RNF111: variants seen among roughly 807,000 people sequenced by gnomAD.
The protein encoded by RNF111 is E3 ubiquitin-protein ligase Arkadia.
A neutral mutation model predicts 95.1 loss-of-function variants in RNF111; 17 were observed. The observed-to-expected ratio is 0.18, with a 90% confidence interval of 0.12 to 0.27. The LOEUF (loss-of-function observed/expected upper bound fraction) is 0.27, where lower values mean the gene tolerates loss of function less well. RNF111 is among the 10% of genes least tolerant of loss of function. The pLI, the probability that RNF111 is intolerant of heterozygous loss-of-function variation, is 1.00. For synonymous variants in RNF111, 440 were observed against 414.8 expected (o/e 1.06, Z -0.74); for missense variants, 1,189 against 1,210.4 (o/e 0.98, Z 0.26).
Position 59,021,496 on chromosome 15 carries a change from G to A in RNF111, c.-19-9308G>A, listed in dbSNP as rs538835555. Among the ~76,000 whole-genome samples, 6 of 152,268 alleles carry A rather than the reference G, an allele frequency of 3.9e-5. No homozygotes were observed. In the South Asian group the frequency reaches 1.2e-3, roughly 32 times the overall value. ...AGATTACATTTATTTTTAGGTGTAA[G>A]AGAAAGTCTTAAATGTTAAGTCTTA... is the stretch of plus-strand genomic sequence containing the variant. On this transcript the variant is annotated intron_variant, in intron 1 of 13. Transcript: ENST00000348370.
chr15:59,050,942 A>G (rs1405316147), intron 2 of RNF111, among the ~76,000 whole-genome samples: 4 of 152,208 alleles, frequency 2.6e-5, no homozygotes, highest in African/African-American at 4.8e-5. Context: ...AGATTTTTCA[A>G]TAAATGTTTT....
chr15:59,066,697 A>C (rs1235759591), intron 5 of RNF111, 67 bp from the exon 6 acceptor site: 8 of 1,205,050 alleles, frequency 6.6e-6, no homozygotes, highest in Non-Finnish European at 9.6e-6. Flanking sequence ...TTTATACCCC[A>C]TACCTATTTT....
chr15:59,049,362 AT>A (rs567223230), intron 2 of RNF111: 3,734 of 70,898 alleles, frequency 0.053, 39 homozygotes, highest in African/African-American at 0.092. Context: ...GGTGTCTTTG[AT>A]TTTTTTTTTT....
At chr15:58,999,304 A>G (rs2039223291) in intron 1 of RNF111, among the ~76,000 whole-genome samples, 1 of 152,188 alleles carries the variant, frequency 6.6e-6, no homozygotes, top group Non-Finnish European at 1.5e-5. Flanking sequence ...TATTTTAATA[A>G]AAGTTACTTA....
At chr15:59,090,583 A>G (rs980480233) in intron 11 of RNF111, among the ~76,000 whole-genome samples, 6 of 152,136 alleles carry the variant, frequency 3.9e-5, no homozygotes, top group South Asian at 2.1e-4. Context: ...GTGACTTAGA[A>G]CTATTGTTTG....
chr15:59,089,572 T>A (rs957927537), intron 10 of RNF111, 95 bp from the exon 11 acceptor site: 1 of 935,716 alleles, frequency 1.1e-6, no homozygotes, highest in Non-Finnish European at 1.7e-6. Flanking sequence ...AGCAGTTGAA[T>A]TGAAAACATT....
intron 8 of RNF111, among the ~76,000 whole-genome samples, chr15:59,082,920 ATTG>A (rs1426646942): frequency 2.6e-5 from 4 of 152,348 alleles, no homozygotes; most frequent in Admixed American, 2.0e-4. Context: ...TAACTGGCAA[ATTG>A]TTGTTTAGAA....
In RNF111 at chr15:59,094,828, A is replaced by G. The variant is rs143841791; in HGVS notation, c.2889A>G (p.Gln963=). ...MHLFHQVCVD[Q]WLITNKKCPI... Reference sequence around the variant, plus strand: ...TTTTCCACCAAGTGTGTGTTGACCAATGGTTGATTACCAATAAGAAGTGCC... The same window carrying G: ...TTTTCCACCAAGTGTGTGTTGACCAGTGGTTGATTACCAATAAGAAGTGCC... The change falls in exon 14 of 14, where the codon CAA becomes CAG. Residue 963 remains glutamine (Q), a synonymous_variant. Transcript: ENST00000348370. The G allele has an allele frequency of 2.4e-5, 38 of 1,613,306 alleles. No homozygotes were observed. The highest frequency in any genetic ancestry group is 9.3e-5 in the African/African-American group (7 of 74,888).
intron 1 of RNF111, among the ~76,000 whole-genome samples, chr15:59,014,207 G>T (rs1362421972): frequency 6.6e-6 from 1 of 152,130 alleles, no homozygotes; most frequent in Non-Finnish European, 1.5e-5. Context: ...TGTTTGACAT[G>T]CCCCTATTCT....
intron 10 of RNF111, among the ~76,000 whole-genome samples, chr15:59,086,948 AG>A (rs2078917079): frequency 6.6e-6 from 1 of 152,262 alleles, no homozygotes; most frequent in Non-Finnish European, 1.5e-5. Context: ...AGGACATTAT[AG>A]TAGAAGAGGT....
At position 59,052,159 on chromosome 15, in the gene RNF111, G is replaced by C. The variant is rs552975043; in HGVS notation, c.881-146G>C. ...TTACTGTGTGTGTTTTTTGTTCCTT[G>C]TGTATTTTTTTAAAAAACCTTTTTG... On this transcript the variant is annotated intron_variant, in intron 2 of 13. Coordinates refer to ENST00000348370, the MANE Select transcript of RNF111 (RefSeq NM_017610.8). 205 of 630,228 alleles carry C rather than the reference G, an allele frequency of 3.3e-4. 1 individual carries two copies. The African/African-American group carries it at 3.6e-3, about 11-fold the overall frequency. 39.0% of individuals were successfully genotyped at this position (630,228 alleles called of 1,614,324 possible).
Position 59,067,087 on chromosome 15 carries a change from T to G in RNF111, c.1686+4T>G. On this transcript the variant is annotated splice_donor_region_variant and intron_variant, in intron 6 of 13. Transcript: ENST00000348370. Reference sequence around the variant, plus strand: ...TGGTACCAGCTATCATGAACAGGTATGTGGAATTTGAGTCAGTCTTTCTTT... The same window carrying G: ...TGGTACCAGCTATCATGAACAGGTAGGTGGAATTTGAGTCAGTCTTTCTTT... 2 of 1,610,592 alleles carry G rather than the reference T, an allele frequency of 1.2e-6. No individual in the cohort carries two copies. Among genetic ancestry groups the G allele is most frequent in the East Asian group, 2.2e-5 (1 of 44,826 alleles).
chr15:59,081,302 A>G lies in RNF111; in HGVS notation c.2297+18A>G, dbSNP rs756077953. On this transcript the variant is annotated intron_variant, in intron 8 of 13. Coordinates refer to ENST00000348370, the MANE Select transcript of RNF111 (RefSeq NM_017610.8). ...CATCCAACGTATGTTTTACGTTTTTAAAAAGAAAGTCAAGTTTGCTTTTTC... is the reference window on the plus strand; with the variant it reads ...CATCCAACGTATGTTTTACGTTTTTGAAAAGAAAGTCAAGTTTGCTTTTTC... 6 of 1,602,634 alleles carry G rather than the reference A, an allele frequency of 3.7e-6. No homozygotes were observed. The East Asian group carries it at 6.7e-5, about 18-fold the overall frequency.
intron 3 of RNF111, among the ~76,000 whole-genome samples, chr15:59,053,754 A>C (rs767249622): frequency 6.6e-6 from 1 of 152,064 alleles, no homozygotes; most frequent in Non-Finnish European, 1.5e-5. Context: ...TTTTCCTTGT[A>C]GGACTAGAGA....
chr15:59,072,150 G>C (rs182881994), intron 6 of RNF111, among the ~76,000 whole-genome samples: 287 of 152,228 alleles, frequency 1.9e-3, no homozygotes, highest in Admixed American at 2.9e-3. Context: ...GCTGATGGAG[G>C]GTCTTGCCTT....
Position 59,022,149 on chromosome 15 carries a change from C to T in RNF111, c.-19-8655C>T, listed in dbSNP as rs1289535633. ...TGCTGGGATTACAAGCATGAGCCAC[C>T]ACGCCTGGCCAAGCTTCCTATAAAA... On this transcript the variant is annotated intron_variant, in intron 1 of 13. Transcript: ENST00000348370. Among the ~76,000 whole-genome samples, 5 of 152,256 alleles carry T rather than the reference C, an allele frequency of 3.3e-5. No homozygotes were observed. In the East Asian group the frequency reaches 7.7e-4, roughly 23 times the overall value.
intron 2 of RNF111, among the ~76,000 whole-genome samples, chr15:59,034,722 A>C (rs2041086882): frequency 6.6e-6 from 1 of 152,238 alleles, no homozygotes. Context: ...GATTCAAATA[A>C]AATGATTTGG....
Position 59,031,389 on chromosome 15 carries a change from A to G in RNF111, c.567A>G (p.Thr189=). Residue 189 remains threonine (T), a synonymous_variant, in exon 2 of 14, where the codon ACA becomes ACG. Transcript: ENST00000348370. Reference sequence around the variant, plus strand: ...CTCATAAGTGGCCTCGGACTGAGACAGAATCTGTATCGGGATTGTTAATGA... The same window carrying G: ...CTCATAAGTGGCCTCGGACTGAGACGGAATCTGTATCGGGATTGTTAATGA... ...ARSHKWPRTE[T]ESVSGLLMKR... The G allele has an allele frequency of 1.2e-6, 2 of 1,614,242 alleles. No homozygotes were observed. Among genetic ancestry groups the G allele is most frequent in the Non-Finnish European group, 8.5e-7 (1 of 1,180,036 alleles).
At chr15:59,028,848 C>A (rs191287545) in intron 1 of RNF111, among the ~76,000 whole-genome samples, 1 of 151,924 alleles carries the variant, frequency 6.6e-6, no homozygotes, top group East Asian at 1.9e-4. Context: ...GGTGCAGTCC[C>A]AGCTCACTGT....
Sources: gnomAD v4.1 joint callset for allele counts (sites outside exome capture counted in the v4.1 genomes callset) on GRCh38, gnomAD v4.1.1 for gene constraint, MANE v1.5 for transcripts, NCBI Gene and HGNC (gene_info 2026-07-23, HGNC 2026-07-21) for gene names.